Variants in HS6ST3 observed in about 807,000 individuals in gnomAD.
HS6ST3 encodes heparan sulfate 6-O-sulfotransferase 3, also known as heparan-sulfate 6-O-sulfotransferase 3.
HS6ST3 carries 12 observed loss-of-function variants against 36.7 expected under a neutral mutation model. The observed-to-expected ratio is 0.33, with a 90% CI of 0.21 to 0.53. The LOEUF (loss-of-function observed/expected upper bound fraction) is 0.53, where lower values mean the gene tolerates loss of function less well. HS6ST3 is among the 20% of genes least tolerant of loss of function. The pLI is 0.95. For synonymous variants in HS6ST3, 240 were observed against 257.5 expected, an observed-to-expected ratio of 0.93 and a Z score of 0.65; for missense variants, 584 against 640.9, an observed-to-expected ratio of 0.91 and a Z score of 0.96.
At chr13:96,396,677 C>T (rs2892823) in intron 1 of HS6ST3, among the ~76,000 whole-genome samples, 129,644 of 152,100 alleles carry the variant, frequency 0.85, 55,543 homozygotes, top group Non-Finnish European at 0.89. Context: ...CCATCAGTTG[C>T]TAAACACTTA....
intron 1 of HS6ST3, among the ~76,000 whole-genome samples, chr13:96,360,975 G>T (rs2055235921): frequency 6.6e-6 from 1 of 150,676 alleles, no homozygotes; most frequent in Admixed American, 6.6e-5. Context: ...GCAGGAGGAG[G>T]CAAAAGGGCA....
intron 1 of HS6ST3, among the ~76,000 whole-genome samples, chr13:96,646,194 T>C (rs1177060057): frequency 6.6e-6 from 1 of 152,016 alleles, no homozygotes; most frequent in Non-Finnish European, 1.5e-5. Context: ...GTGACAAGAG[T>C]CTCCAATTTA....
At chr13:96,121,973 A>G (rs1440828558) in intron 1 of HS6ST3, among the ~76,000 whole-genome samples, 1 of 152,024 alleles carries the variant, frequency 6.6e-6, no homozygotes, top group Non-Finnish European at 1.5e-5. Flanking sequence ...GCCCCAAAAC[A>G]CTTTATTCCC....
chr13:96,544,276 G>A lies in HS6ST3; in HGVS notation c.708-288214G>A, dbSNP rs117226492. Among the ~76,000 whole-genome samples the A allele has an allele frequency of 7.2e-3, 1,103 of 152,292 alleles. 8 individuals are homozygous for A. The highest frequency in any genetic ancestry group is 0.012 in the Non-Finnish European group (821 of 68,028). Reference sequence around the variant, plus strand: ...ATAAACCAGAGAGCATTCAAAGTACGTTGGCTCCAGTGCAAGGGCATCTGA... The same window carrying A: ...ATAAACCAGAGAGCATTCAAAGTACATTGGCTCCAGTGCAAGGGCATCTGA... On this transcript the variant is annotated intron_variant, in intron 1 of 1. Coordinates refer to ENST00000376705, the MANE Select transcript of HS6ST3 (RefSeq NM_153456.4).
intron 1 of HS6ST3, among the ~76,000 whole-genome samples, chr13:96,765,430 C>T (rs1335960467): frequency 6.6e-6 from 1 of 152,180 alleles, no homozygotes; most frequent in Non-Finnish European, 1.5e-5. Context: ...CCTTTAGCCT[C>T]CTCTCCCTGG....
Position 96,833,211 on chromosome 13 carries a change from T to C in HS6ST3, c.*13T>C, listed in dbSNP as rs1335358250. The C allele has an allele frequency of 1.3e-6, 2 of 1,511,586 alleles. No homozygotes were observed. Among genetic ancestry groups the C allele is most frequent in the African/African-American group, 2.8e-5 (2 of 72,166 alleles). 93.6% of individuals were successfully genotyped at this position (1,511,586 alleles called of 1,614,324 possible). A position where few individuals can be genotyped will look rare whatever the true frequency, so the allele number is the denominator to read the frequency against. On this transcript the variant is annotated 3_prime_UTR_variant, in exon 2 of 2. Coordinates refer to ENST00000376705, the MANE Select transcript of HS6ST3 (RefSeq NM_153456.4). Reference sequence around the variant, plus strand: ...GGTGAGATGGTGACCTCCTGCCCTCTCCTCTCTCAGGAGGGGGAGGGTGAG... The same window carrying C: ...GGTGAGATGGTGACCTCCTGCCCTCCCCTCTCTCAGGAGGGGGAGGGTGAG...
At chr13:96,472,184 G>C (rs959362402) in intron 1 of HS6ST3, among the ~76,000 whole-genome samples, 3 of 152,204 alleles carry the variant, frequency 2.0e-5, no homozygotes, top group Non-Finnish European at 4.4e-5. Flanking sequence ...AAAGGAGTAA[G>C]AATTGGGAAC....
rs551211601 is a variant in HS6ST3, at chr13:96,315,614, A to G, written c.707+224045A>G. Among the ~76,000 whole-genome samples, 71 of 152,126 alleles carry G rather than the reference A, an allele frequency of 4.7e-4. 1 individual carries two copies. The South Asian group carries it at 7.0e-3, about 15-fold the overall frequency. ...ATATAATACAGAATGCAGTTTCCTCATTTGTATGCATTGCTTTATTTTCTT... is the reference window on the plus strand; with the variant it reads ...ATATAATACAGAATGCAGTTTCCTCGTTTGTATGCATTGCTTTATTTTCTT... On this transcript the variant is annotated intron_variant, in intron 1 of 1. Transcript: ENST00000376705.
At chr13:96,325,964 T>C (rs982648600) in intron 1 of HS6ST3, among the ~76,000 whole-genome samples, 1 of 152,130 alleles carries the variant, frequency 6.6e-6, no homozygotes, top group African/African-American at 2.4e-5. Context: ...AGTTTGACAT[T>C]ATTGTGAGAA....
Position 96,090,566 on chromosome 13 carries a change from C to T in HS6ST3, c.-297C>T, listed in dbSNP as rs1320722453. Among the ~76,000 whole-genome samples, 1 of 146,166 alleles carries T rather than the reference C, an allele frequency of 6.8e-6. No individual in the cohort carries two copies. The highest frequency in any genetic ancestry group is 1.5e-5 in the Non-Finnish European group (1 of 65,788). On this transcript the variant is annotated 5_prime_UTR_variant, in exon 1 of 2. Coordinates refer to ENST00000376705, the MANE Select transcript of HS6ST3 (RefSeq NM_153456.4). ...CGCGCGTCGCCTGAGAGAGCCGCGCCGGGGCGGGAGCAGGGAGCGGGCCGG... is the reference window on the plus strand; with the variant it reads ...CGCGCGTCGCCTGAGAGAGCCGCGCTGGGGCGGGAGCAGGGAGCGGGCCGG...
At chr13:96,121,692 G>C (rs892595739) in intron 1 of HS6ST3, among the ~76,000 whole-genome samples, 1 of 152,220 alleles carries the variant, frequency 6.6e-6, no homozygotes, top group South Asian at 2.1e-4. Flanking sequence ...ATTTTTATTG[G>C]CTATGGTGAC....
At chr13:96,734,587 T>G (rs892155992) in intron 1 of HS6ST3, among the ~76,000 whole-genome samples, 2 of 152,210 alleles carry the variant, frequency 1.3e-5, no homozygotes, top group African/African-American at 2.4e-5. Flanking sequence ...CAGAAATAGA[T>G]TAAATATACA....
chr13:96,452,387 C>T (rs1396952709), intron 1 of HS6ST3, among the ~76,000 whole-genome samples: 1 of 152,008 alleles, frequency 6.6e-6, no homozygotes, highest in Admixed American at 6.6e-5. Flanking sequence ...TCCTTTTTTC[C>T]CTTAAAAGAT....
intron 1 of HS6ST3, among the ~76,000 whole-genome samples, chr13:96,715,824 G>A (rs1425499583): frequency 1.3e-5 from 2 of 152,014 alleles, no homozygotes; most frequent in African/African-American, 4.8e-5. Flanking sequence ...TAAGAAACAT[G>A]TTATATCTAA....
chr13:96,749,068 A>C (rs904454305), intron 1 of HS6ST3, among the ~76,000 whole-genome samples: 6 of 152,132 alleles, frequency 3.9e-5, no homozygotes, highest in Non-Finnish European at 8.8e-5. Flanking sequence ...CACAAAACTA[A>C]AATTAACCGT....
intron 1 of HS6ST3, among the ~76,000 whole-genome samples, chr13:96,438,379 T>G (rs545954506): frequency 6.6e-6 from 1 of 152,262 alleles, no homozygotes; most frequent in Non-Finnish European, 1.5e-5. Flanking sequence ...TATGTGAAAT[T>G]CTTATTTTAC....
chr13:96,244,585 G>A (rs1159583797), intron 1 of HS6ST3, among the ~76,000 whole-genome samples: 1 of 152,140 alleles, frequency 6.6e-6, no homozygotes, highest in Non-Finnish European at 1.5e-5. Flanking sequence ...AGCAAACTGA[G>A]TTGTCATGCA....
intron 1 of HS6ST3, among the ~76,000 whole-genome samples, chr13:96,097,734 A>G (rs1001896073): frequency 2.6e-5 from 4 of 152,220 alleles, no homozygotes; most frequent in African/African-American, 9.6e-5. Flanking sequence ...GGAATAGTAA[A>G]CATTTTTTAA....
chr13:96,462,792 C>T (rs1380167321), intron 1 of HS6ST3, among the ~76,000 whole-genome samples: 1 of 152,254 alleles, frequency 6.6e-6, no homozygotes, highest in South Asian at 2.1e-4. Context: ...ATCTGTGTGT[C>T]TATGTATGTT....
Sources: allele counts gnomAD v4.1 joint callset (sites outside exome capture counted in the v4.1 genomes callset), GRCh38; gene constraint gnomAD v4.1.1; transcripts MANE v1.5; gene names NCBI Gene and HGNC (gene_info 2026-07-23, HGNC 2026-07-21).